Variants in RALYL observed in about 807,000 individuals in gnomAD.
RALYL encodes the protein RALY RNA binding protein like, also known as RNA-binding Raly-like protein.
RALYL carries 29 observed loss-of-function variants against 35.1 expected under a neutral mutation model. The ratio of observed to expected loss-of-function variants is 0.83; its 90% CI spans 0.61 to 1.13. RALYL has a LOEUF of 1.13. RALYL is among the 50% of genes most tolerant of loss of function. The pLI is 0.00. For missense variants in RALYL, 359 were observed against 360.4 expected, an observed-to-expected ratio of 1.00 and a Z score of 0.03; for synonymous variants, 120 against 127.6, an observed-to-expected ratio of 0.94 and a Z score of 0.40.
At chr8:84,325,205 T>A (rs1434214814) in intron 1 of RALYL, among the ~76,000 whole-genome samples, 1 of 152,170 alleles carries the variant, frequency 6.6e-6, no homozygotes, top group Non-Finnish European at 1.5e-5. Context: ...AGATACTGTA[T>A]TCAAAATTTC....
At chr8:84,841,856 T>C (rs1408152347) in intron 4 of RALYL, among the ~76,000 whole-genome samples, 1 of 152,144 alleles carries the variant, frequency 6.6e-6, no homozygotes, top group African/African-American at 2.4e-5. Flanking sequence ...AACAACCTGC[T>C]CCTGAATGAC....
At chr8:84,394,314 G>A (rs922818596) in intron 1 of RALYL, among the ~76,000 whole-genome samples, 1 of 152,044 alleles carries the variant, frequency 6.6e-6, no homozygotes, top group Non-Finnish European at 1.5e-5. Flanking sequence ...ACAATTTTAA[G>A]TAGTTTTTAA....
chr8:84,390,034 T>C (rs1043560638), intron 1 of RALYL, among the ~76,000 whole-genome samples: 1 of 152,310 alleles, frequency 6.6e-6, no homozygotes, highest in East Asian at 1.9e-4. Context: ...ACCTCATTTA[T>C]TGACAGTTTT....
intron 1 of RALYL, among the ~76,000 whole-genome samples, chr8:84,278,340 G>T (rs79323278): frequency 0.019 from 2,891 of 152,324 alleles, 42 homozygotes; most frequent in Non-Finnish European, 0.031. Context: ...GCATCAAGTG[G>T]GGTCCCTGGG....
intron 2 of RALYL, among the ~76,000 whole-genome samples, chr8:84,575,596 T>C (rs1422651898): frequency 1.3e-5 from 2 of 152,194 alleles, no homozygotes; most frequent in South Asian, 2.1e-4. Flanking sequence ...GGCTCATTCT[T>C]AATGCACAGG....
intron 1 of RALYL, among the ~76,000 whole-genome samples, chr8:84,504,811 A>G (rs994351933): frequency 3.9e-5 from 6 of 152,166 alleles, no homozygotes; most frequent in African/African-American, 1.2e-4. Flanking sequence ...TAAATTTCAA[A>G]TTTAGTTAGT....
intron 2 of RALYL, among the ~76,000 whole-genome samples, chr8:84,639,724 A>C (rs1446487343): frequency 6.6e-6 from 1 of 151,974 alleles, no homozygotes; most frequent in Non-Finnish European, 1.5e-5. Context: ...TCCATCATAC[A>C]CCTTGGTGGA....
intron 1 of RALYL, among the ~76,000 whole-genome samples, chr8:84,236,954 G>T (rs932351799): frequency 1.3e-5 from 2 of 152,158 alleles, no homozygotes; most frequent in African/African-American, 2.4e-5. Flanking sequence ...GTAAGTAAAT[G>T]TATTTGGTTC....
chr8:84,892,113 C>T (rs1033445082), intron 8 of RALYL, among the ~76,000 whole-genome samples: 1 of 152,178 alleles, frequency 6.6e-6, no homozygotes, highest in Non-Finnish European at 1.5e-5. Flanking sequence ...AGACTATCTA[C>T]ATAATGTCTA....
intron 2 of RALYL, among the ~76,000 whole-genome samples, chr8:84,646,252 C>A (rs866446923): frequency 6.6e-6 from 1 of 151,618 alleles, no homozygotes; most frequent in Non-Finnish European, 1.5e-5. Context: ...ATAAAATTGT[C>A]ATTTGAATTC....
chr8:84,646,298 C>G (rs150961869), intron 2 of RALYL, among the ~76,000 whole-genome samples: 7 of 151,580 alleles, frequency 4.6e-5, no homozygotes, highest in African/African-American at 1.7e-4. Context: ...CTTTTCAATT[C>G]TGATATTTAA....
At chr8:84,872,875 A>T (rs1230895583) in intron 6 of RALYL, 1 of 153,724 alleles carries the variant, frequency 6.5e-6, no homozygotes, top group African/African-American at 2.4e-5. Flanking sequence ...AATATCATTG[A>T]CTGCTGAAAT....
rs751319727 is a variant in RALYL at position 84,887,755 on chromosome 8, T to C, written c.837T>C (p.Asp279=). The C allele has an allele frequency of 1.9e-6, 3 of 1,613,536 alleles. No homozygotes were observed. The highest frequency in any genetic ancestry group is 2.2e-5 in the East Asian group (1 of 44,868). Residue 279 remains aspartate, a synonymous_variant, in exon 8 of 9, where the codon GAT becomes GAC. Coordinates refer to ENST00000521268, the MANE Select transcript of RALYL (RefSeq NM_173848.7). ...CAGATGGGATAGAGGAGGACTTCGA[T>C]GAAGATGGGGGTCATGAGCTGGTAG... ...EMTDGIEEDF[D]EDGGHELFLQ... is the part of the protein sequence containing the mutation.
chr8:84,388,636 C>T (rs1859830881), intron 1 of RALYL, among the ~76,000 whole-genome samples: 3 of 152,112 alleles, frequency 2.0e-5, no homozygotes. Flanking sequence ...GCATAAATGT[C>T]TTCTTTTGAG....
intron 1 of RALYL, among the ~76,000 whole-genome samples, chr8:84,504,884 C>T (rs2057030272): frequency 6.6e-6 from 1 of 151,978 alleles, no homozygotes; most frequent in Admixed American, 6.6e-5. Context: ...TACTCTTGGC[C>T]CCAGGGTCAC....
intron 1 of RALYL, among the ~76,000 whole-genome samples, chr8:84,267,569 C>T (rs1833562972): frequency 1.3e-5 from 2 of 152,120 alleles, no homozygotes; most frequent in African/African-American, 2.4e-5. Flanking sequence ...AAGTCAAGCA[C>T]GCTTCTGCCT....
At chr8:84,469,433 G>C (rs1351249857) in intron 1 of RALYL, among the ~76,000 whole-genome samples, 2 of 152,152 alleles carry the variant, frequency 1.3e-5, no homozygotes, top group Admixed American at 6.5e-5. Flanking sequence ...CTGCTGGGGG[G>C]TGCCTCCCAG....
At chr8:84,661,835 C>A (rs540318442) in intron 2 of RALYL, among the ~76,000 whole-genome samples, 1 of 151,958 alleles carries the variant, frequency 6.6e-6, no homozygotes, top group Admixed American at 6.5e-5. Context: ...CTCTTTTCTT[C>A]CCAGATAAAG....
At chr8:84,460,388 T>C (rs1402483016) in intron 1 of RALYL, among the ~76,000 whole-genome samples, 1 of 151,746 alleles carries the variant, frequency 6.6e-6, no homozygotes, top group African/African-American at 2.4e-5. Context: ...ACAGGGTATT[T>C]TGTTGCTGCA....
Sources: gnomAD v4.1 joint callset for allele counts (sites outside exome capture counted in the v4.1 genomes callset) on GRCh38, gnomAD v4.1.1 for gene constraint, MANE v1.5 for transcripts, NCBI Gene and HGNC (gene_info 2026-07-23, HGNC 2026-07-21) for gene names.